Variants in KIAA1671 observed in about 807,000 individuals in gnomAD.
KIAA1671 encodes the protein KIAA1671, also known as uncharacterized protein KIAA1671.
KIAA1671 carries 52 observed loss-of-function variants against 131.2 expected under a neutral mutation model. The ratio of observed to expected loss-of-function variants is 0.40; its 90% CI spans 0.32 to 0.50. KIAA1671 has a LOEUF of 0.50. Ranked by LOEUF, KIAA1671 falls within the 20% of genes least tolerant of loss-of-function variation. The pLI is 0.73. For missense variants in KIAA1671, 2,360 were observed against 2,364.2 expected (o/e 1.00, Z 0.04); for synonymous variants, 1,003 against 961.6 (o/e 1.04, Z -0.80).
intron 6 of KIAA1671, among the ~76,000 whole-genome samples, chr22:25,122,754 C>G (rs1362170887): frequency 2.0e-5 from 3 of 152,172 alleles, no homozygotes; most frequent in Non-Finnish European, 4.4e-5. Flanking sequence ...GCGGGCCGAT[C>G]ACGAGGTCAG....
At chr22:25,055,798 A>G (rs1927801730) in intron 6 of KIAA1671, 1 of 117,904 alleles carries the variant, frequency 8.5e-6, no homozygotes, top group African/African-American at 3.1e-5. Context: ...AGATAGATAT[A>G]GATAGATATA....
intron 11 of KIAA1671, among the ~76,000 whole-genome samples, chr22:25,188,891 C>T (rs1319593256): frequency 1.3e-5 from 2 of 152,118 alleles, no homozygotes; most frequent in African/African-American, 4.8e-5. Context: ...AGTGGACCCA[C>T]ACAGTTCAAA....
rs1450204091 is a variant in KIAA1671, at chr22:25,028,163, G to A, written c.164G>A (p.Arg55Gln). The change falls in exon 3 of 13, where the codon CGG (arginine) becomes CAG (glutamine). Residue 55 changes from arginine to glutamine, a missense_variant. Around this residue, in one of 3 missense-constraint regions of KIAA1671, gnomAD observed 1,185 missense variants for 1,126.2 expected, o/e 1.05. Transcript: ENST00000358431. ...ARILEAKSPL[R>Q]SPARLLPLPR... is the part of the protein sequence containing the mutation. Reference sequence around the variant, plus strand: ...ATCTTGGAAGCGAAGAGCCCCCTGCGGAGCCCGGCCCGGTTACTCCCTCTG... The same window carrying A: ...ATCTTGGAAGCGAAGAGCCCCCTGCAGAGCCCGGCCCGGTTACTCCCTCTG... 27 of 1,550,516 alleles carry A rather than the reference G, an allele frequency of 1.7e-5. No homozygotes were observed. In the African/African-American group the frequency reaches 2.6e-4, roughly 15 times the overall value.
rs538390592 is a variant in KIAA1671, at chr22:25,150,926, G to A, written c.4531-19894G>A. On this transcript the variant is annotated intron_variant, in intron 6 of 12. Transcript: ENST00000358431. ...CGGCTTACTGCAAGCTCCGCCTCCC[G>A]GGTTCACACCATTCTCCTGCCTCAG... is the stretch of plus-strand genomic sequence containing the variant. Among the ~76,000 whole-genome samples, 19 of 150,010 alleles carry A rather than the reference G, an allele frequency of 1.3e-4. No individual in the cohort carries two copies. The East Asian group carries it at 1.8e-3, about 14-fold the overall frequency.
Position 25,049,165 on chromosome 22 carries a change from A to G in KIAA1671, c.4396-65A>G, listed in dbSNP as rs1328608710. On this transcript the variant is annotated intron_variant, in intron 5 of 12. Transcript: ENST00000358431. ...TGGTACAGAATGGACTCTTGGCATA[A>G]TATATTTTTTCCTGTAAATGAGAAG... 3 of 1,516,728 alleles carry G rather than the reference A, an allele frequency of 2.0e-6. No individual in the cohort carries two copies. In the African/African-American group the frequency reaches 4.2e-5, roughly 21 times the overall value. The allele number at this position is 1,516,728 out of a possible 1,614,324, so 94.0% of individuals were successfully genotyped here.
intron 1 of KIAA1671, among the ~76,000 whole-genome samples, chr22:25,017,255 C>T (rs969062553): frequency 6.6e-6 from 1 of 152,110 alleles, no homozygotes; most frequent in Admixed American, 6.5e-5. Context: ...TGGTGGCAGG[C>T]GCCTGTAGTC....
intron 3 of KIAA1671, among the ~76,000 whole-genome samples, chr22:25,031,606 A>G (rs1465331574): frequency 6.6e-6 from 1 of 152,234 alleles, no homozygotes; most frequent in East Asian, 1.9e-4. Flanking sequence ...CTGGGATTAC[A>G]GGCATGAGCC....
intron 1 of KIAA1671, among the ~76,000 whole-genome samples, chr22:24,985,420 A>G (rs1923468492): frequency 6.7e-6 from 1 of 148,380 alleles, no homozygotes; most frequent in South Asian, 2.2e-4. Flanking sequence ...GCTCACTGCA[A>G]GCTCCGCCTC....
chr22:25,160,458 G>A (rs550053589), intron 6 of KIAA1671, among the ~76,000 whole-genome samples: 11 of 152,208 alleles, frequency 7.2e-5, no homozygotes, highest in African/African-American at 2.4e-4. Flanking sequence ...TGCTCTTTCG[G>A]TTCGGTCTTG....
intron 6 of KIAA1671, among the ~76,000 whole-genome samples, chr22:25,164,442 A>G (rs1269029844): frequency 6.6e-6 from 1 of 152,162 alleles, no homozygotes; most frequent in African/African-American, 2.4e-5. Context: ...CATACGACCA[A>G]ACCAAGGTAG....
chr22:24,988,322 C>A (rs1275909326), intron 1 of KIAA1671, among the ~76,000 whole-genome samples: 1 of 151,858 alleles, frequency 6.6e-6, no homozygotes, highest in East Asian at 1.9e-4. Flanking sequence ...TCTCAGCCCC[C>A]CAAACTGGGA....
intron 6 of KIAA1671, chr22:25,055,794 A>T (rs1569218069): frequency 9.4e-6 from 1 of 106,696 alleles, no homozygotes; most frequent in Non-Finnish European, 2.1e-5. Flanking sequence ...ATATAGATAG[A>T]TATAGATAGA....
chr22:25,015,063 A>C (rs1378004502), intron 1 of KIAA1671: 3 of 152,192 alleles, frequency 2.0e-5, no homozygotes, highest in Admixed American at 2.0e-4. Flanking sequence ...ACATGGCGAA[A>C]GCCCTTTTCT....
intron 11 of KIAA1671, 27 bp from the exon 12 acceptor site, chr22:25,190,675 A>G: frequency 6.5e-7 from 1 of 1,537,092 alleles, no homozygotes; most frequent in Non-Finnish European, 8.8e-7. Context: ...GGTTTCAACT[A>G]GTCTCTTACT....
chr22:25,177,103 C>T (rs1256398714), intron 8 of KIAA1671: 1 of 460,824 alleles, frequency 2.2e-6, no homozygotes, highest in East Asian at 3.3e-5. Flanking sequence ...AAGCCAGGCA[C>T]TGTACTAGGG....
Position 24,979,443 on chromosome 22 carries a change from A to G in KIAA1671, c.-208+26671A>G, listed in dbSNP as rs1255139621. 1.0e-4 allele frequency among the ~76,000 whole-genome samples: 15 copies of G among 149,342 alleles called. No homozygotes were observed. In the East Asian group the frequency reaches 3.0e-3, roughly 29 times the overall value. ...CAGCTCACTGCAAGCTCCACCTCCC[A>G]GGTTCATGCCATTCTCCTGCCTCAG... On this transcript the variant is annotated intron_variant, in intron 1 of 12. Transcript: ENST00000358431.
chr22:25,092,836 G>A (rs919491270), intron 6 of KIAA1671, among the ~76,000 whole-genome samples: 2 of 152,116 alleles, frequency 1.3e-5, no homozygotes, highest in African/African-American at 2.4e-5. Context: ...GAGCTGTTGC[G>A]AGTTGGTGGG....
chr22:25,080,727 TTGTC>T (rs1232095992), intron 6 of KIAA1671, among the ~76,000 whole-genome samples: 2 of 152,164 alleles, frequency 1.3e-5, no homozygotes. Context: ...TTCAGACTCT[TTGTC>T]TGCCTGTTAT....
intron 6 of KIAA1671, among the ~76,000 whole-genome samples, chr22:25,101,739 G>A (rs917760702): frequency 1.3e-5 from 2 of 152,130 alleles, no homozygotes; most frequent in African/African-American, 4.8e-5. Flanking sequence ...TGTGACTTGG[G>A]TTCAAGCCTC....
Sources: allele counts gnomAD v4.1 joint callset (sites outside exome capture counted in the v4.1 genomes callset), GRCh38; gene constraint gnomAD v4.1.1; regional missense constraint gnomAD v4.1.1; transcripts MANE v1.5; gene names NCBI Gene and HGNC (gene_info 2026-07-23, HGNC 2026-07-21).